ADGRV1: variants seen among roughly 807,000 people sequenced by gnomAD.
The protein encoded by ADGRV1 is adhesion G protein-coupled receptor V1.
ADGRV1 carries 359 observed loss-of-function variants against 596.2 expected under a neutral mutation model. That is an observed-to-expected ratio of 0.60 (90% confidence interval 0.55 to 0.66). The LOEUF (loss-of-function observed/expected upper bound fraction) is 0.66. Ranked by LOEUF, ADGRV1 falls within the 30% of genes least tolerant of loss-of-function variation. ADGRV1 has a pLI of 0.00. For synonymous variants in ADGRV1, 2,681 were observed against 2,679.2 expected (o/e 1.00, Z -0.02); for missense variants, 7,274 against 7,575.6 (o/e 0.96, Z 1.48).
intron 87 of ADGRV1, among the ~76,000 whole-genome samples, chr5:91,116,156 A>T (rs1300552094): frequency 2.0e-5 from 3 of 152,224 alleles, no homozygotes; most frequent in Admixed American, 2.0e-4. Context: ...CTTTAGATAG[A>T]TAGGTCTGGG....
chr5:90,684,705 C>T (rs1040379782), intron 28 of ADGRV1, among the ~76,000 whole-genome samples: 3 of 152,136 alleles, frequency 2.0e-5, no homozygotes, highest in Non-Finnish European at 4.4e-5. Flanking sequence ...ACCCCATTTA[C>T]AAGCGTCTCA....
chr5:90,749,855 TAAGAA>T (rs1755046870), intron 52 of ADGRV1, among the ~76,000 whole-genome samples: 1 of 151,882 alleles, frequency 6.6e-6, no homozygotes, highest in East Asian at 1.9e-4. Context: ...GAAGCATAGA[TAAGAA>T]GAAAGAAAGT....
At chr5:90,795,013 A>C (rs965980102) in intron 70 of ADGRV1, among the ~76,000 whole-genome samples, 1 of 151,452 alleles carries the variant, frequency 6.6e-6, no homozygotes, top group East Asian at 1.9e-4. Context: ...TCTGGTGCCT[A>C]CACCACCAGG....
intron 64 of ADGRV1, chr5:90,780,954 G>C: frequency 6.1e-6 from 1 of 163,436 alleles, no homozygotes; most frequent in South Asian, 1.7e-4. Context: ...TTTGAATCTT[G>C]ATGATTTAGT....
intron 10 of ADGRV1, 33 bp from the exon 11 acceptor site, chr5:90,637,692 G>A: frequency 2.1e-6 from 3 of 1,428,282 alleles, no homozygotes; most frequent in South Asian, 1.3e-5. Flanking sequence ...ATATATTTTA[G>A]AAGAAATTGT....
At chr5:90,815,535 A>G (rs987800785) in intron 74 of ADGRV1, 84 bp from the exon 75 acceptor site, 1 of 727,892 alleles carries the variant, frequency 1.4e-6, no homozygotes, top group East Asian at 2.7e-5. Flanking sequence ...CTTTTAAACC[A>G]TCTGAGCTGG....
intron 82 of ADGRV1, among the ~76,000 whole-genome samples, chr5:90,856,225 A>G (rs1395056062): frequency 6.6e-6 from 1 of 152,200 alleles, no homozygotes; most frequent in African/African-American, 2.4e-5. Context: ...TACTGCAGTT[A>G]CAATGTGAGG....
chr5:90,607,499 G>T (rs1310219431), intron 1 of ADGRV1, among the ~76,000 whole-genome samples: 1 of 152,038 alleles, frequency 6.6e-6, no homozygotes, highest in Non-Finnish European at 1.5e-5. Context: ...AATAAAACAG[G>T]GGATTAAGTG....
intron 83 of ADGRV1, among the ~76,000 whole-genome samples, chr5:90,886,436 C>A (rs1770290616): frequency 6.6e-6 from 1 of 152,132 alleles, no homozygotes; most frequent in Non-Finnish European, 1.5e-5. Context: ...AATAAAAATG[C>A]AGATTCAAAG....
chr5:90,737,864 T>A (rs1418992979), intron 50 of ADGRV1, among the ~76,000 whole-genome samples: 1 of 151,738 alleles, frequency 6.6e-6, no homozygotes, highest in Non-Finnish European at 1.5e-5. Context: ...TGGATCTTAT[T>A]TTTTTTTAAT....
chr5:90,666,674 G>T (rs991439605), intron 21 of ADGRV1, among the ~76,000 whole-genome samples: 2 of 149,366 alleles, frequency 1.3e-5, no homozygotes, highest in African/African-American at 5.0e-5. Flanking sequence ...GGGTTATTTT[G>T]CTTGTTAGTT....
intron 22 of ADGRV1, chr5:90,672,990 C>T (rs571083997): frequency 2.8e-6 from 1 of 355,106 alleles, no homozygotes; most frequent in Admixed American, 4.5e-5. Flanking sequence ...GGATCTGTCT[C>T]CTATGATAGA....
At chr5:90,637,608 A>G in intron 10 of ADGRV1, 117 bp from the exon 11 acceptor site, 1 of 604,578 alleles carries the variant, frequency 1.7e-6, no homozygotes, top group Non-Finnish European at 2.7e-6. Context: ...GCTTCTCTAT[A>G]TAGAATACAT....
At chr5:90,840,492 T>A in intron 77 of ADGRV1, 86 bp from the exon 78 acceptor site, 1 of 1,158,006 alleles carries the variant, frequency 8.6e-7, no homozygotes, top group Non-Finnish European at 1.2e-6. Context: ...TTAAGAGAAA[T>A]TGAATTTGTT....
intron 82 of ADGRV1, 26 bp from the exon 83 acceptor site, chr5:90,863,731 A>G (rs1767823369): frequency 2.7e-6 from 4 of 1,498,844 alleles, no homozygotes; most frequent in Non-Finnish European, 2.8e-6. Context: ...TTATTAAACC[A>G]TATGTGGACT....
At chr5:90,859,218 C>T (rs1369594112) in intron 82 of ADGRV1, among the ~76,000 whole-genome samples, 1 of 152,246 alleles carries the variant, frequency 6.6e-6, no homozygotes, top group Non-Finnish European at 1.5e-5. Context: ...CTCAAGCGAT[C>T]CTCCTGCCTG....
chr5:90,765,472 A>C (rs868189623), intron 59 of ADGRV1, among the ~76,000 whole-genome samples: 415 of 115,504 alleles, frequency 3.6e-3, no homozygotes, highest in African/African-American at 0.012. Context: ...CACACACACA[A>C]ACTCTAGATA....
At chr5:91,081,608 A>C (rs1195308688) in intron 86 of ADGRV1, among the ~76,000 whole-genome samples, 1 of 152,132 alleles carries the variant, frequency 6.6e-6, no homozygotes, top group Non-Finnish European at 1.5e-5. Context: ...ACATAGTGTG[A>C]AACCCCGTCT....
intron 83 of ADGRV1, among the ~76,000 whole-genome samples, chr5:90,902,655 C>T (rs4382198): frequency 1.3e-5 from 2 of 151,938 alleles, no homozygotes; most frequent in African/African-American, 2.4e-5. Flanking sequence ...CATTTTTAAG[C>T]GATGATAACA....
Sources: gnomAD v4.1 joint callset for allele counts (sites outside exome capture counted in the v4.1 genomes callset) on GRCh38, gnomAD v4.1.1 for gene constraint, MANE v1.5 for transcripts, NCBI Gene and HGNC (gene_info 2026-07-23, HGNC 2026-07-21) for gene names.